FBN2: variants seen among roughly 807,000 people sequenced by gnomAD.
FBN2 encodes fibrillin 2, also known as fibrillin-2.
In FBN2, 105 loss-of-function variants were observed where a neutral mutation model predicts 355.6. That is an observed-to-expected ratio of 0.30 (90% confidence interval 0.25 to 0.35). The LOEUF is 0.35. Ranked by LOEUF, FBN2 falls within the 10% of genes least tolerant of loss-of-function variation. FBN2 has a pLI of 1.00. For synonymous variants in FBN2, 1,350 were observed against 1,301.2 expected, an observed-to-expected ratio of 1.04 and a Z score of -0.81; for missense variants, 3,280 against 3,758.7, an observed-to-expected ratio of 0.87 and a Z score of 3.33.
At chr5:128,473,701 A>G (rs1278987007) in intron 5 of FBN2, among the ~76,000 whole-genome samples, 2 of 152,038 alleles carry the variant, frequency 1.3e-5, no homozygotes, top group Non-Finnish European at 2.9e-5. Flanking sequence ...CCTGCCTCCT[A>G]TGTATAATTT....
intron 7 of FBN2, among the ~76,000 whole-genome samples, chr5:128,410,854 T>C (rs1481549132): frequency 6.6e-6 from 1 of 152,200 alleles, no homozygotes; most frequent in Non-Finnish European, 1.5e-5. Context: ...AAAATAATTA[T>C]ACATAAAAGG....
intron 5 of FBN2, among the ~76,000 whole-genome samples, chr5:128,466,187 A>G (rs530478032): frequency 6.6e-6 from 1 of 152,222 alleles, no homozygotes; most frequent in Non-Finnish European, 1.5e-5. Context: ...CAATTCAATT[A>G]TTCTCATTTG....
intron 5 of FBN2, among the ~76,000 whole-genome samples, chr5:128,480,020 A>G (rs1157113736): frequency 7.5e-5 from 5 of 66,964 alleles, no homozygotes; most frequent in East Asian, 3.7e-4. Flanking sequence ...ATATATATAT[A>G]TATGTATATA....
At chr5:128,311,974 A>T in intron 37 of FBN2, 21 bp from the exon 38 acceptor site, 1 of 1,568,588 alleles carries the variant, frequency 6.4e-7, no homozygotes. Flanking sequence ...ATAGAAAAAT[A>T]AGAGGTTTGA....
At chr5:128,484,947 G>A (rs1399610118) in intron 5 of FBN2, among the ~76,000 whole-genome samples, 1 of 152,126 alleles carries the variant, frequency 6.6e-6, no homozygotes, top group Non-Finnish European at 1.5e-5. Context: ...CTAGTAAGTT[G>A]AAGATACATA....
At chr5:128,485,247 T>G (rs1755306909) in intron 5 of FBN2, among the ~76,000 whole-genome samples, 3 of 152,138 alleles carry the variant, frequency 2.0e-5, no homozygotes, top group Non-Finnish European at 4.4e-5. Flanking sequence ...GGTCTCCAAC[T>G]CCTGGGCTCA....
chr5:128,438,653 G>A (rs1753837643), intron 7 of FBN2, among the ~76,000 whole-genome samples: 1 of 152,252 alleles, frequency 6.6e-6, no homozygotes, highest in Admixed American at 6.5e-5. Flanking sequence ...AGGTTGCAAT[G>A]CCCTGTGACA....
intron 19 of FBN2, among the ~76,000 whole-genome samples, chr5:128,361,090 C>T (rs1751627275): frequency 6.6e-6 from 1 of 152,164 alleles, no homozygotes; most frequent in Non-Finnish European, 1.5e-5. Flanking sequence ...ATGAGGACTT[C>T]TCTAACCATT....
intron 5 of FBN2, among the ~76,000 whole-genome samples, chr5:128,482,011 G>C (rs1338064549): frequency 6.6e-6 from 1 of 152,044 alleles, no homozygotes. Flanking sequence ...TACTAGAAAG[G>C]CTCTACTTCA....
intron 8 of FBN2, among the ~76,000 whole-genome samples, chr5:128,406,033 G>A (rs998282842): frequency 1.3e-5 from 2 of 152,174 alleles, no homozygotes; most frequent in Non-Finnish European, 2.9e-5. Flanking sequence ...GCATATGCAC[G>A]TGTGCATAAA....
At position 128,461,793 on chromosome 5, in the gene FBN2, T is replaced by C. The variant is rs796639044; in HGVS notation, c.826+2931A>G. ...ACATGTTCTCACTCATAAGTGAGAGTTGAACATTGAAAACACGTGGACACA... is the reference window on the plus strand; with the variant it reads ...ACATGTTCTCACTCATAAGTGAGAGCTGAACATTGAAAACACGTGGACACA... On this transcript the variant is annotated intron_variant, in intron 6 of 64. Transcript: ENST00000262464. 4.8e-5 allele frequency among the ~76,000 whole-genome samples: 7 copies of C among 146,304 alleles called. No individual in the cohort carries two copies. The South Asian group carries it at 8.7e-4, about 18-fold the overall frequency.
At position 128,375,278 on chromosome 5, in the gene FBN2, T is replaced by A. The variant is rs547475050; in HGVS notation, c.1973-528A>T. Among the ~76,000 whole-genome samples, 8 of 152,304 alleles carry A rather than the reference T, an allele frequency of 5.3e-5. No individual in the cohort carries two copies. The South Asian group carries it at 1.7e-3, about 32-fold the overall frequency. On this transcript the variant is annotated intron_variant, in intron 14 of 64. Transcript: ENST00000262464. ...GCTGCCGACTCAGGAATACTTAAAA[T>A]CTTCACAACATTTGTAATTAAATAA...
intron 2 of FBN2, 128 bp from the exon 3 acceptor site, chr5:128,530,821 A>G: frequency 1.5e-6 from 1 of 672,754 alleles, no homozygotes; most frequent in Non-Finnish European, 2.6e-6. Context: ...ATAAATGTCT[A>G]ACTTCAGATA....
At chr5:128,379,436 T>TA (rs772296981) in intron 11 of FBN2, among the ~76,000 whole-genome samples, 1 of 152,014 alleles carries the variant, frequency 6.6e-6, no homozygotes, top group Non-Finnish European at 1.5e-5. Flanking sequence ...TATTTTGAAG[T>TA]AAAAAAACAT....
At chr5:128,440,403 C>A (rs1306758435) in intron 7 of FBN2, among the ~76,000 whole-genome samples, 3 of 152,098 alleles carry the variant, frequency 2.0e-5, no homozygotes, top group African/African-American at 7.2e-5. Context: ...AGGAAACATA[C>A]AATCATGGTG....
At chr5:128,273,336 A>G (rs1025088879) in intron 61 of FBN2, among the ~76,000 whole-genome samples, 1 of 152,206 alleles carries the variant, frequency 6.6e-6, no homozygotes, top group African/African-American at 2.4e-5. Context: ...AGAGGAGACC[A>G]AGGTCCACTG....
Position 128,361,737 on chromosome 5 carries a change from G to A in FBN2, c.2540C>T (p.Thr847Ile). The change falls in exon 19 of 65, where the codon ACA (threonine) becomes ATA (isoleucine). Residue 847 changes from threonine (T) to isoleucine (I), a missense_variant. Thr to Ile is a moderately conservative substitution (Grantham distance 89). Coordinates refer to ENST00000262464, the MANE Select transcript of FBN2 (RefSeq NM_001999.4). ...ACAGCTCTTACCTTCACAGGTCTCT[G>A]TCTCAGTCCTGAACACATACCCTGG... The part of the protein sequence containing the change: ...CPPGYVFRTE[T>I]ETCEDINECE... The A allele has an allele frequency of 6.2e-7, 1 of 1,614,118 alleles. No individual in the cohort carries two copies. Among genetic ancestry groups the A allele is most frequent in the East Asian group, 2.2e-5 (1 of 44,878 alleles).
intron 7 of FBN2, among the ~76,000 whole-genome samples, chr5:128,427,946 G>A (rs1023610895): frequency 6.6e-6 from 1 of 152,150 alleles, no homozygotes; most frequent in Non-Finnish European, 1.5e-5. Flanking sequence ...TCCTCGCTAT[G>A]TTCTCCCCAC....
chr5:128,290,833 A>T lies in FBN2; in HGVS notation c.6344T>A (p.Val2115Glu), dbSNP rs780689903. 4 of 1,614,090 alleles carry T rather than the reference A, an allele frequency of 2.5e-6. No individual in the cohort carries two copies. Among genetic ancestry groups the T allele is most frequent in the East Asian group, 4.5e-5 (2 of 44,886 alleles). Residue 2115 changes from valine (V) to glutamate (E), a missense_variant, in exon 50 of 65, where the codon GTA becomes GAA. Coordinates refer to ENST00000262464, the MANE Select transcript of FBN2 (RefSeq NM_001999.4). ...FTNFENGKCSVPKAFNTTKAK... is the reference protein window; with the variant it reads ...FTNFENGKCSEPKAFNTTKAK... ...TTTTGTGGTGTTGAAAGCTTTGGGT[A>T]CAGAACACTTTCCATTTTCAAAATT... is the stretch of plus-strand genomic sequence containing the variant.
Sources: gnomAD v4.1 joint callset for allele counts (sites outside exome capture counted in the v4.1 genomes callset) on GRCh38, gnomAD v4.1.1 for gene constraint, MANE v1.5 for transcripts, NCBI Gene and HGNC (gene_info 2026-07-23, HGNC 2026-07-21) for gene names.